The following RANBP17 variants were observed in gnomAD, a reference collection of about 807,000 sequenced individuals.
RANBP17 encodes ran-binding protein 17.
In RANBP17, 158 loss-of-function variants were observed where a neutral mutation model predicts 141.2. That is an observed-to-expected ratio of 1.12 (90% CI 0.98 to 1.28). The LOEUF (loss-of-function observed/expected upper bound fraction) is 1.28. Ranked by LOEUF, RANBP17 falls within the 50% of genes most tolerant of loss-of-function variation. The pLI, the probability that RANBP17 is intolerant of heterozygous loss-of-function variation, is 0.00. For synonymous variants in RANBP17, 430 were observed against 450.0 expected, an observed-to-expected ratio of 0.96 and a Z score of 0.56; for missense variants, 1,438 against 1,290.7, an observed-to-expected ratio of 1.11 and a Z score of -1.75.
chr5:171,242,189 G>A (rs1298460993), intron 23 of RANBP17, among the ~76,000 whole-genome samples: 1 of 151,886 alleles, frequency 6.6e-6, no homozygotes, highest in Admixed American at 6.6e-5. Context: ...GATTTTTCAG[G>A]TATCTTTCTC....
intron 13 of RANBP17, among the ~76,000 whole-genome samples, chr5:170,961,452 C>T (rs530428211): frequency 3.2e-4 from 48 of 152,116 alleles, no homozygotes; most frequent in African/African-American, 9.6e-4. Flanking sequence ...TTAAGATAAA[C>T]GAATAATACA....
At chr5:171,063,122 G>A (rs972341275) in intron 14 of RANBP17, among the ~76,000 whole-genome samples, 18 of 152,066 alleles carry the variant, frequency 1.2e-4, no homozygotes, top group African/African-American at 2.7e-4. Context: ...CTTATAGCTC[G>A]GAGTAGTTTG....
intron 18 of RANBP17, 54 bp downstream of exon 18, chr5:171,183,484 G>C (rs1468819475): frequency 6.6e-6 from 8 of 1,206,614 alleles, no homozygotes; most frequent in Non-Finnish European, 8.6e-6. Flanking sequence ...ACACTTGTGT[G>C]AATAAAGAAG....
chr5:170,971,589 A>G (rs554068730), intron 14 of RANBP17, among the ~76,000 whole-genome samples: 1 of 152,294 alleles, frequency 6.6e-6, no homozygotes, highest in Non-Finnish European at 1.5e-5. Flanking sequence ...CTTATTTCCA[A>G]AAAGGAACTC....
At chr5:171,042,384 C>A (rs1782308975) in intron 14 of RANBP17, among the ~76,000 whole-genome samples, 1 of 151,956 alleles carries the variant, frequency 6.6e-6, no homozygotes, top group Admixed American at 6.6e-5. Flanking sequence ...CCATGTAATC[C>A]TAAGGGATCA....
At chr5:171,093,740 G>C (rs1440269646) in intron 14 of RANBP17, among the ~76,000 whole-genome samples, 1 of 152,132 alleles carries the variant, frequency 6.6e-6, no homozygotes, top group African/African-American at 2.4e-5. Context: ...TTCACTTATA[G>C]CAGTAATCCT....
intron 14 of RANBP17, among the ~76,000 whole-genome samples, chr5:171,056,852 A>G (rs192505851): frequency 6.6e-6 from 1 of 152,296 alleles, no homozygotes; most frequent in Admixed American, 6.5e-5. Context: ...ACCTTTACTC[A>G]TTAAGGGGAA....
chr5:171,055,623 C>A (rs954938989), intron 14 of RANBP17, among the ~76,000 whole-genome samples: 1 of 151,848 alleles, frequency 6.6e-6, no homozygotes, highest in Non-Finnish European at 1.5e-5. Context: ...CCATCAAATA[C>A]CTATGAGTTG....
intron 4 of RANBP17, among the ~76,000 whole-genome samples, chr5:170,895,828 G>T (rs943870173): frequency 6.6e-6 from 1 of 152,076 alleles, no homozygotes; most frequent in East Asian, 1.9e-4. Context: ...TTCCCATTTA[G>T]CTCTGTGTAT....
At chr5:170,990,181 T>A (rs189206677) in intron 14 of RANBP17, among the ~76,000 whole-genome samples, 126 of 151,962 alleles carry the variant, frequency 8.3e-4, no homozygotes, top group African/African-American at 3.0e-3. Flanking sequence ...CAATAATTAT[T>A]CTCCAATTAT....
chr5:171,148,644 A>G (rs979924888), intron 14 of RANBP17, among the ~76,000 whole-genome samples: 5 of 152,010 alleles, frequency 3.3e-5, no homozygotes, highest in Admixed American at 6.6e-5. Flanking sequence ...TTTCATGATC[A>G]TATATATAAA....
chr5:171,064,301 C>G (rs1784143945), intron 14 of RANBP17, among the ~76,000 whole-genome samples: 1 of 152,222 alleles, frequency 6.6e-6, no homozygotes, highest in Non-Finnish European at 1.5e-5. Context: ...ATTCGGCCAT[C>G]TTGGCTGCCA....
At chr5:171,231,513 T>C (rs1764208785) in intron 22 of RANBP17, among the ~76,000 whole-genome samples, 1 of 152,286 alleles carries the variant, frequency 6.6e-6, no homozygotes, top group Admixed American at 6.5e-5. Context: ...GACAAGACAT[T>C]CCCCAATACC....
chr5:171,221,857 A>G lies in RANBP17; in HGVS notation c.2422+17A>G, dbSNP rs1763580141. 5 of 1,384,522 alleles carry G rather than the reference A, an allele frequency of 3.6e-6. No individual in the cohort carries two copies. The highest frequency in any genetic ancestry group is 3.5e-5 in the Admixed American group (2 of 57,788). The allele number at this position is 1,384,522 out of a possible 1,614,324, so 85.8% of individuals were successfully genotyped here. ...GCACTTATGGTGAGTGTCCTTTTCC[A>G]TATGTGCCTCTGCAATATAGTTTTA... is the stretch of plus-strand genomic sequence containing the variant. On this transcript the variant is annotated intron_variant, in intron 22 of 27. Transcript: ENST00000523189.
chr5:170,970,758 C>G (rs1042821446), intron 14 of RANBP17: 1 of 152,016 alleles, frequency 6.6e-6, no homozygotes, highest in East Asian at 1.9e-4. Context: ...TATCAGAGAC[C>G]CCATCCTTTA....
chr5:170,981,856 T>C (rs1331151914), intron 14 of RANBP17, among the ~76,000 whole-genome samples: 1 of 152,160 alleles, frequency 6.6e-6, no homozygotes, highest in Non-Finnish European at 1.5e-5. Flanking sequence ...TGATTTGCAC[T>C]AAGAACCCTG....
At chr5:171,220,463 T>C (rs113691288) in intron 21 of RANBP17, among the ~76,000 whole-genome samples, 2 of 146,922 alleles carry the variant, frequency 1.4e-5, no homozygotes, top group Non-Finnish European at 3.0e-5. Flanking sequence ...TTTTTTTTTT[T>C]TTTGAGACAG....
At chr5:170,907,063 T>C (rs1216547027) in intron 5 of RANBP17, among the ~76,000 whole-genome samples, 1 of 151,964 alleles carries the variant, frequency 6.6e-6, no homozygotes, top group Non-Finnish European at 1.5e-5. Flanking sequence ...TAATTAAATA[T>C]TCTAGTTATC....
In RANBP17 at chr5:170,965,942, A is replaced by T. The variant is rs1364708880; in HGVS notation, c.1575-2300A>T. 2.0e-5 allele frequency among the ~76,000 whole-genome samples: 3 copies of T among 152,186 alleles called. No homozygotes were observed. The East Asian group carries it at 5.8e-4, about 29-fold the overall frequency. On this transcript the variant is annotated intron_variant, in intron 13 of 27. Transcript: ENST00000523189. Reference sequence around the variant, plus strand: ...TTTTTCCAATTCTGTGAAGAAAGTCATTGGTAGCTTGATGGGGATGGCATT... The same window carrying T: ...TTTTTCCAATTCTGTGAAGAAAGTCTTTGGTAGCTTGATGGGGATGGCATT...
Sources: allele counts gnomAD v4.1 joint callset (sites outside exome capture counted in the v4.1 genomes callset), GRCh38; gene constraint gnomAD v4.1.1; transcripts MANE v1.5; gene names NCBI Gene and HGNC (gene_info 2026-07-23, HGNC 2026-07-21).